The following EYS variants were observed in gnomAD, a reference collection of about 807,000 sequenced individuals.
EYS encodes protein eyes shut homolog.
A neutral mutation model predicts 282.1 loss-of-function variants in EYS; 250 were observed. The ratio of observed to expected loss-of-function variants is 0.89; its 90% CI spans 0.80 to 0.98. The LOEUF (loss-of-function observed/expected upper bound fraction) is 0.98. Ranked by LOEUF, EYS falls within the 50% of genes least tolerant of loss-of-function variation. The pLI, the probability that EYS is intolerant of heterozygous loss-of-function variation, is 0.00. For missense variants in EYS, 4,016 were observed against 3,709.0 expected (o/e 1.08, Z -2.15); for synonymous variants, 1,355 against 1,282.9 (o/e 1.06, Z -1.20).
rs142428541 is a variant in EYS, at chr6:63,837,903, G to A, written c.7228+26283C>T. Among the ~76,000 whole-genome samples the A allele has an allele frequency of 5.3e-3, 806 of 152,238 alleles. 3 individuals carry two copies. The highest frequency in any genetic ancestry group is 0.014 in the Middle Eastern group (4 of 294). Reference sequence around the variant, plus strand: ...GAACTATTTCTTCCTAGTCAGAAGAGTTTATCAGTGAAGGCACATGAATTT... The same window carrying A: ...GAACTATTTCTTCCTAGTCAGAAGAATTTATCAGTGAAGGCACATGAATTT... On this transcript the variant is annotated intron_variant, in intron 36 of 42. Transcript: ENST00000503581.
chr6:65,571,191 G>A (rs1432712823), intron 2 of EYS, among the ~76,000 whole-genome samples: 2 of 152,006 alleles, frequency 1.3e-5, no homozygotes, highest in Non-Finnish European at 2.9e-5. Flanking sequence ...ATACATGGGA[G>A]AAAAGACAGG....
chr6:65,663,037 A>G (rs1409823654), intron 1 of EYS, among the ~76,000 whole-genome samples: 1 of 152,122 alleles, frequency 6.6e-6, no homozygotes, highest in Non-Finnish European at 1.5e-5. Flanking sequence ...TTTGAAAATA[A>G]TACTTTGAAA....
At chr6:63,803,945 G>C (rs1289647704) in intron 37 of EYS, among the ~76,000 whole-genome samples, 1 of 152,086 alleles carries the variant, frequency 6.6e-6, no homozygotes, top group Non-Finnish European at 1.5e-5. Context: ...GACTTACTTT[G>C]GTGAAGGTGG....
chr6:65,456,466 A>G (rs1298335993), intron 5 of EYS, among the ~76,000 whole-genome samples: 1 of 150,590 alleles, frequency 6.6e-6, no homozygotes, highest in Non-Finnish European at 1.5e-5. Flanking sequence ...AAAAAAATTT[A>G]CTCTTAATGA....
chr6:65,430,343 T>C (rs1360892192), intron 5 of EYS, among the ~76,000 whole-genome samples: 1 of 152,022 alleles, frequency 6.6e-6, no homozygotes, highest in African/African-American at 2.4e-5. Flanking sequence ...AATGGAGCAT[T>C]TAAACAACCC....
intron 12 of EYS, among the ~76,000 whole-genome samples, chr6:65,188,722 G>A (rs1314190316): frequency 7.3e-6 from 1 of 137,090 alleles, no homozygotes; most frequent in Admixed American, 7.7e-5. Flanking sequence ...CAGGGAAGAA[G>A]TTAGAGTGAT....
intron 26 of EYS, among the ~76,000 whole-genome samples, chr6:64,569,019 T>C (rs1161467128): frequency 2.1e-4 from 9 of 43,188 alleles, no homozygotes; most frequent in Non-Finnish European, 4.0e-5. Context: ...TCCACAAAGA[T>C]GGAAAAGAAA....
intron 1 of EYS, among the ~76,000 whole-genome samples, chr6:65,656,303 G>T (rs982083122): frequency 1.3e-5 from 2 of 151,888 alleles, no homozygotes; most frequent in Non-Finnish European, 2.9e-5. Context: ...TCAAAAGCTA[G>T]AAATGATTAT....
chr6:64,308,731 G>C (rs904211749), intron 29 of EYS, among the ~76,000 whole-genome samples: 2 of 151,922 alleles, frequency 1.3e-5, no homozygotes, highest in Non-Finnish European at 2.9e-5. Flanking sequence ...TAGAACCTTT[G>C]AAAGTTTGCT....
intron 5 of EYS, among the ~76,000 whole-genome samples, chr6:65,433,995 C>G (rs764420087): frequency 1.5e-4 from 23 of 152,182 alleles, no homozygotes; most frequent in Admixed American, 8.5e-4. Flanking sequence ...CACAGCTCTT[C>G]CTAAGCATCA....
At chr6:64,045,135 G>T (rs1404439093) in intron 33 of EYS, among the ~76,000 whole-genome samples, 1 of 152,100 alleles carries the variant, frequency 6.6e-6, no homozygotes, top group Non-Finnish European at 1.5e-5. Context: ...AGCTACTGGG[G>T]TCAGAGTGAG....
intron 30 of EYS, among the ~76,000 whole-genome samples, chr6:64,263,772 G>C (rs1203334687): frequency 6.6e-6 from 1 of 152,074 alleles, no homozygotes; most frequent in Non-Finnish European, 1.5e-5. Flanking sequence ...TGTAGATCCA[G>C]AAGGTAGTGT....
At chr6:64,290,186 T>C (rs1394986187) in intron 30 of EYS, among the ~76,000 whole-genome samples, 1 of 152,134 alleles carries the variant, frequency 6.6e-6, no homozygotes, top group Non-Finnish European at 1.5e-5. Flanking sequence ...ACAGGCATTG[T>C]TATGGCAACC....
chr6:65,195,928 G>C (rs1322933186), intron 12 of EYS, among the ~76,000 whole-genome samples: 1 of 151,958 alleles, frequency 6.6e-6, no homozygotes, highest in Non-Finnish European at 1.5e-5. Context: ...CAATCTCAGA[G>C]ACCTAGCTCC....
chr6:65,675,695 G>A (rs969319152), intron 1 of EYS, among the ~76,000 whole-genome samples: 1 of 151,790 alleles, frequency 6.6e-6, no homozygotes, highest in Non-Finnish European at 1.5e-5. Context: ...TAGAAAACCA[G>A]ATAGTTGACC....
intron 14 of EYS, among the ~76,000 whole-genome samples, chr6:64,958,879 TACA>T: frequency 1.3e-5 from 2 of 152,052 alleles, no homozygotes; most frequent in Non-Finnish European, 2.9e-5. Context: ...CTGGAAACAT[TACA>T]GTTAGACACA....
chr6:63,865,522 G>A (rs1008456376), intron 35 of EYS, among the ~76,000 whole-genome samples: 5 of 151,586 alleles, frequency 3.3e-5, no homozygotes, highest in Admixed American at 3.3e-4. Context: ...ACAGATCTTA[G>A]GAGTTTACAT....
At chr6:63,928,668 A>T (rs978836248) in intron 35 of EYS, among the ~76,000 whole-genome samples, 3 of 152,196 alleles carry the variant, frequency 2.0e-5, no homozygotes, top group Admixed American at 6.5e-5. Flanking sequence ...GTATTGGGTC[A>T]GGTAGCATCT....
chr6:64,441,581 T>A (rs372028054), intron 26 of EYS, among the ~76,000 whole-genome samples: 60 of 152,262 alleles, frequency 3.9e-4, no homozygotes, highest in African/African-American at 1.4e-3. Context: ...ATCATTGATA[T>A]CGTTTGGCTC....
Sources: allele counts gnomAD v4.1 joint callset (sites outside exome capture counted in the v4.1 genomes callset), GRCh38; gene constraint gnomAD v4.1.1; transcripts MANE v1.5; gene names NCBI Gene and HGNC (gene_info 2026-07-23, HGNC 2026-07-21).